Variants in AFF1 observed in about 807,000 individuals in gnomAD.
AFF1 encodes ALF transcription elongation factor 1.
A neutral mutation model predicts 121.7 loss-of-function variants in AFF1; 48 were observed. The observed-to-expected ratio is 0.39, with a 90% confidence interval of 0.31 to 0.50. The LOEUF (loss-of-function observed/expected upper bound fraction) is 0.50. Ranked by LOEUF, AFF1 falls within the 20% of genes least tolerant of loss-of-function variation. The probability of loss-of-function intolerance (pLI) is 0.76; values close to 1 mark genes in which losing one functional copy is unlikely to be tolerated. For synonymous variants in AFF1, 613 were observed against 563.0 expected, an observed-to-expected ratio of 1.09 and a Z score of -1.26; for missense variants, 1,523 against 1,511.7, an observed-to-expected ratio of 1.01 and a Z score of -0.12.
chr4:86,995,187 T>A (rs765536142), intron 2 of AFF1, among the ~76,000 whole-genome samples: 2 of 152,044 alleles, frequency 1.3e-5, no homozygotes, highest in Non-Finnish European at 2.9e-5. Flanking sequence ...CAACTGAAAT[T>A]GCAGCACTGC....
intron 8 of AFF1, among the ~76,000 whole-genome samples, chr4:87,096,361 AG>A (rs1426067010): frequency 3.6e-5 from 4 of 109,854 alleles, no homozygotes; most frequent in African/African-American, 1.4e-4. Flanking sequence ...TGGAGTACAG[AG>A]GACTACAGAC....
At chr4:87,085,440 T>C (rs544402489) in intron 5 of AFF1, among the ~76,000 whole-genome samples, 2 of 142,792 alleles carry the variant, frequency 1.4e-5, no homozygotes, top group African/African-American at 5.1e-5. Flanking sequence ...TTTTTTCTTC[T>C]TTTTTTTTTT....
At chr4:86,988,848 C>A (rs1417488028) in intron 2 of AFF1, among the ~76,000 whole-genome samples, 1 of 152,052 alleles carries the variant, frequency 6.6e-6, no homozygotes, top group Non-Finnish European at 1.5e-5. Context: ...ATACATAGAC[C>A]AATGGAACAG....
intron 5 of AFF1, among the ~76,000 whole-genome samples, chr4:87,084,921 G>C (rs763164692): frequency 6.6e-6 from 1 of 152,196 alleles, no homozygotes; most frequent in Non-Finnish European, 1.5e-5. Context: ...ACCTCTTGGC[G>C]TTCTGTAGGT....
intron 2 of AFF1, 114 bp downstream of exon 2, chr4:86,948,685 A>G: frequency 3.1e-6 from 3 of 970,466 alleles, no homozygotes; most frequent in Non-Finnish European, 4.4e-6. Flanking sequence ...CACGGGTGCA[A>G]GAAAATGTTT....
rs535825364 is a variant in AFF1, at chr4:87,021,265, C to T, written c.39-24901C>T. Among the ~76,000 whole-genome samples the T allele has an allele frequency of 4.6e-5, 7 of 152,166 alleles. No individual in the cohort carries two copies. The South Asian group carries it at 6.2e-4, about 14-fold the overall frequency. On this transcript the variant is annotated intron_variant, in intron 2 of 20. Coordinates refer to ENST00000395146, the MANE Select transcript of AFF1 (RefSeq NM_001166693.3). The stretch of plus-strand genomic sequence containing the variant: ...AGTACTAAAGTTTTAAATGGATTAC[C>T]GTGTTCTTTGTAGATTTTCATGGAA...
At position 87,138,157 on chromosome 4, in the gene AFF1, A is replaced by G. The variant is rs141088841; in HGVS notation, c.*2456A>G. On this transcript the variant is annotated 3_prime_UTR_variant, in exon 21 of 21. Coordinates refer to ENST00000395146, the MANE Select transcript of AFF1 (RefSeq NM_001166693.3). ...TCTGATCCTTATTGCATTGTACCTA[A>G]AGGAGAGTAACTAATGGTAACCTTT... 4.3e-6 allele frequency: 1 copy of G among 232,396 alleles called. No homozygotes were observed. The highest frequency in any genetic ancestry group is 2.2e-5 in the African/African-American group (1 of 45,392). 14.4% of individuals were successfully genotyped at this position (232,396 alleles called of 1,614,324 possible). A position where few individuals can be genotyped will look rare whatever the true frequency, so the allele number is the denominator to read the frequency against.
intron 2 of AFF1, among the ~76,000 whole-genome samples, chr4:86,999,676 A>G (rs892169473): frequency 1.3e-5 from 2 of 152,186 alleles, no homozygotes; most frequent in Non-Finnish European, 2.9e-5. Context: ...AGAGACAAGT[A>G]AGGTTTGTTA....
intron 4 of AFF1, among the ~76,000 whole-genome samples, chr4:87,064,724 C>T (rs951141346): frequency 6.6e-6 from 1 of 151,900 alleles, no homozygotes; most frequent in African/African-American, 2.4e-5. Context: ...ACTAAAAATG[C>T]AAAAATTAGC....
rs569246872 is a variant in AFF1 at position 86,948,494 on chromosome 4, T to G, written c.-36-4T>G. 2 of 1,530,540 alleles carry G rather than the reference T, an allele frequency of 1.3e-6. No individual in the cohort carries two copies. Among genetic ancestry groups the G allele is most frequent in the Non-Finnish European group, 1.8e-6 (2 of 1,141,538 alleles). The allele number at this position is 1,530,540 out of a possible 1,614,324, so 94.8% of individuals were successfully genotyped here. A position where few individuals can be genotyped will look rare whatever the true frequency, so the allele number is the denominator to read the frequency against. ...TCACAGGCTACTCTTTGTTTCTCTT[T>G]CAGATGAACAGACTAGCCACTTTGC... On this transcript the variant is annotated splice_polypyrimidine_tract_variant and splice_region_variant and intron_variant, in intron 1 of 20. Transcript: ENST00000395146.
chr4:87,028,226 ACTT>A (rs1290376483), intron 2 of AFF1, among the ~76,000 whole-genome samples: 1 of 152,134 alleles, frequency 6.6e-6, no homozygotes, highest in Non-Finnish European at 1.5e-5. Flanking sequence ...GTATTTTTAT[ACTT>A]CTTATATAAG....
At chr4:86,998,942 G>A (rs190986045) in intron 2 of AFF1, among the ~76,000 whole-genome samples, 28 of 152,338 alleles carry the variant, frequency 1.8e-4, no homozygotes, top group African/African-American at 6.5e-4. Flanking sequence ...CTCTAGTTTG[G>A]ATGATTGGTG....
chr4:87,125,262 T>C (rs756533280), intron 13 of AFF1, 119 bp downstream of exon 13: 7 of 603,796 alleles, frequency 1.2e-5, no homozygotes, highest in Non-Finnish European at 1.3e-5. Context: ...TCAAGCTCAT[T>C]TGGACAATGT....
intron 2 of AFF1, among the ~76,000 whole-genome samples, chr4:86,999,766 CT>C (rs1454403214): frequency 1.3e-5 from 2 of 152,078 alleles, no homozygotes; most frequent in African/African-American, 4.8e-5. Flanking sequence ...TGCAGAGAGC[CT>C]TTCATGGGAG....
In AFF1 at chr4:87,089,043, G is replaced by A. The variant is rs146604236; in HGVS notation, c.1105-941G>A. Among the ~76,000 whole-genome samples, 1,043 of 152,148 alleles carry A rather than the reference G, an allele frequency of 6.9e-3. 13 individuals are homozygous for A. The highest frequency in any genetic ancestry group is 0.024 in the African/African-American group (999 of 41,534). On this transcript the variant is annotated intron_variant, in intron 5 of 20. Transcript: ENST00000395146. ...CAGGTGTGAGCTGCTGCGCCCGGCC[G>A]CATGTCGAGTATTAAGCCAGTTTGC...
intron 2 of AFF1, among the ~76,000 whole-genome samples, chr4:87,005,034 G>A (rs1725990243): frequency 6.6e-6 from 1 of 152,174 alleles, no homozygotes; most frequent in African/African-American, 2.4e-5. Flanking sequence ...TTGAGAGAGA[G>A]TCTTACTCTG....
chr4:86,978,516 A>G (rs921732665), intron 2 of AFF1, among the ~76,000 whole-genome samples: 2 of 152,074 alleles, frequency 1.3e-5, no homozygotes, highest in Non-Finnish European at 2.9e-5. Flanking sequence ...GAATCTGTCT[A>G]GTAAATTTCA....
Position 87,047,394 on chromosome 4 carries a change from C to G in AFF1, c.859C>G (p.Pro287Ala), listed in dbSNP as rs756391269. ...PSQTFPPPSL[P>A]SKSVAMQQKP... ...TCAGACATTTCCACCTCCCTCCCTC[C>G]CCTCAAAAAGTGTTGCAATGCAGCA... The change falls in exon 4 of 21, where the codon CCC (proline) becomes GCC (alanine). Residue 287 changes from proline (P) to alanine (A), a missense_variant. Physicochemically the swap from Pro to Ala is conservative, Grantham distance 27. This residue lies in a region of AFF1 where 369 missense variants were observed against 367.2 expected (regional missense o/e 1.00). Transcript: ENST00000395146. 7.4e-6 allele frequency: 12 copies of G among 1,614,062 alleles called. No homozygotes were observed. Among genetic ancestry groups the G allele is most frequent in the Admixed American group, 1.7e-5 (1 of 60,004 alleles).
intron 4 of AFF1, among the ~76,000 whole-genome samples, chr4:87,078,146 G>T (rs1003199612): frequency 2.0e-5 from 3 of 152,100 alleles, no homozygotes; most frequent in African/African-American, 7.2e-5. Flanking sequence ...TAATCTTGTG[G>T]CTGTTTGCCA....
Sources: gnomAD v4.1 joint callset for allele counts (sites outside exome capture counted in the v4.1 genomes callset) on GRCh38, gnomAD v4.1.1 for gene constraint, gnomAD v4.1.1 regional missense constraint, MANE v1.5 for transcripts, NCBI Gene and HGNC (gene_info 2026-07-23, HGNC 2026-07-21) for gene names.